The following MS4A10 variants were observed in gnomAD, a reference collection of about 807,000 sequenced individuals.
The protein encoded by MS4A10 is membrane-spanning 4-domains subfamily A member 10.
MS4A10 carries 27 observed loss-of-function variants against 27.7 expected under a neutral mutation model. The observed-to-expected ratio is 0.98, with a 90% CI of 0.72 to 1.35. The LOEUF (loss-of-function observed/expected upper bound fraction) is 1.35, where lower values mean the gene tolerates loss of function less well. MS4A10 is among the 40% of genes most tolerant of loss of function. The pLI is 0.00. For missense variants in MS4A10, 338 were observed against 324.7 expected (o/e 1.04, Z -0.32); for synonymous variants, 139 against 131.2 (o/e 1.06, Z -0.41).
At chr11:60,797,286 G>A (rs891187206) in intron 6 of MS4A10, among the ~76,000 whole-genome samples, 1 of 152,174 alleles carries the variant, frequency 6.6e-6, no homozygotes, top group Non-Finnish European at 1.5e-5. Flanking sequence ...CTGTGCTAGT[G>A]CTGCAGGTGG....
rs943973552 is a variant in MS4A10 at position 60,794,822 on chromosome 11, C to A, written c.492+719C>A. The stretch of plus-strand genomic sequence containing the variant: ...TCTCGAGTAGCTAGGATTACAGGCA[C>A]CCACCACAGCCACCACCACGCCAGG... On this transcript the variant is annotated intron_variant, in intron 5 of 7. Coordinates refer to ENST00000308287, the MANE Select transcript of MS4A10 (RefSeq NM_206893.4). Among the ~76,000 whole-genome samples the A allele has an allele frequency of 2.0e-5, 3 of 152,040 alleles. No homozygotes were observed. In the South Asian group the frequency reaches 6.2e-4, roughly 32 times the overall value.
rs528458465 is a variant in MS4A10, at chr11:60,790,796, G to C, written c.184-178G>C. On this transcript the variant is annotated intron_variant, in intron 2 of 7. Coordinates refer to ENST00000308287, the MANE Select transcript of MS4A10 (RefSeq NM_206893.4). ...GCTCCCACCCATGGGGCCCTTGGCA[G>C]CTTCAGCTCTTTCTGCAGGAAATCC... Among the ~76,000 whole-genome samples, 4 of 152,320 alleles carry C rather than the reference G, an allele frequency of 2.6e-5. No homozygotes were observed. In the South Asian group the frequency reaches 8.3e-4, roughly 32 times the overall value.
intron 1 of MS4A10, among the ~76,000 whole-genome samples, chr11:60,787,001 G>A (rs927608892): frequency 3.3e-5 from 5 of 152,202 alleles, no homozygotes; most frequent in East Asian, 3.8e-4. Flanking sequence ...GCTCAGGGCC[G>A]TGCCCACTCT....
At chr11:60,799,002 T>C (rs1033427197) in intron 7 of MS4A10, among the ~76,000 whole-genome samples, 5 of 152,212 alleles carry the variant, frequency 3.3e-5, no homozygotes, top group Non-Finnish European at 7.3e-5. Context: ...GGAGCCTGTG[T>C]GTCTGAATCC....
In MS4A10 at chr11:60,800,308, G is replaced by A. The variant is rs976551624; in HGVS notation, c.*399G>A. On this transcript the variant is annotated 3_prime_UTR_variant, in exon 8 of 8. Coordinates refer to ENST00000308287, the MANE Select transcript of MS4A10 (RefSeq NM_206893.4). ...TGGGACTATAGGCACACGCCACCAC[G>A]CCCAGCTAATTTTTATATTTTTAGT... is the stretch of plus-strand genomic sequence containing the variant. 18 of 176,374 alleles carry A rather than the reference G, an allele frequency of 1.0e-4. No individual in the cohort carries two copies. Among genetic ancestry groups the A allele is most frequent in the South Asian group, 5.9e-4 (4 of 6,738 alleles). The allele number at this position is 176,374 out of a possible 1,614,324, so 10.9% of individuals were successfully genotyped here.
rs577135467 is a variant in MS4A10, at chr11:60,799,676, T to C, written c.723-152T>C. 725 of 623,974 alleles carry C rather than the reference T, an allele frequency of 1.2e-3. 1 individual carries two copies. Among genetic ancestry groups the C allele is most frequent in the Middle Eastern group, 1.9e-3 (7 of 3,726 alleles). The allele number at this position is 623,974 out of a possible 1,614,324, so 38.7% of individuals were successfully genotyped here. On this transcript the variant is annotated intron_variant, in intron 7 of 7. Coordinates refer to ENST00000308287, the MANE Select transcript of MS4A10 (RefSeq NM_206893.4). ...TTGCCCTTCCTCCACCTGGATTCTCTTCCCCCAGGTATTTGCAGAGCTCAC... is the reference window on the plus strand; with the variant it reads ...TTGCCCTTCCTCCACCTGGATTCTCCTCCCCCAGGTATTTGCAGAGCTCAC...
Position 60,785,792 on chromosome 11 carries a change from A to G in MS4A10, c.-23+371A>G, listed in dbSNP as rs550680531. On this transcript the variant is annotated intron_variant, in intron 1 of 7. Transcript: ENST00000308287. ...CACTTTTCTTGCAGTCTGGAAATGC[A>G]TACACACAGAGAGACCAGTTCAAGA... 2.0e-5 allele frequency among the ~76,000 whole-genome samples: 3 copies of G among 152,180 alleles called. No individual in the cohort carries two copies. The East Asian group carries it at 5.8e-4, about 29-fold the overall frequency.
At chr11:60,793,637 G>A (rs1854467719) in intron 4 of MS4A10, among the ~76,000 whole-genome samples, 1 of 152,248 alleles carries the variant, frequency 6.6e-6, no homozygotes, top group Non-Finnish European at 1.5e-5. Context: ...CATAGCTGAT[G>A]TAGGATGGTC....
At chr11:60,798,155 G>A (rs1221029333) in intron 6 of MS4A10, among the ~76,000 whole-genome samples, 3 of 152,228 alleles carry the variant, frequency 2.0e-5, no homozygotes, top group Admixed American at 6.5e-5. Flanking sequence ...GTAGCGGGAC[G>A]GGAACCAGAG....
chr11:60,790,621 G>A (rs913681500), intron 2 of MS4A10, 103 bp downstream of exon 2: 1 of 1,279,276 alleles, frequency 7.8e-7, no homozygotes, highest in African/African-American at 1.5e-5. Context: ...AAAGAGAAAG[G>A]CTCCAGCTTT....
In MS4A10 at chr11:60,799,928, T is replaced by C. The variant is rs1246334099; in HGVS notation, c.*19T>C. Reference sequence around the variant, plus strand: ...AAACTGAAGAGCCACTGCCTGACAATGCCCAAACTTGGTTGGAGCATAGCC... The same window carrying C: ...AAACTGAAGAGCCACTGCCTGACAACGCCCAAACTTGGTTGGAGCATAGCC... On this transcript the variant is annotated 3_prime_UTR_variant, in exon 8 of 8. Transcript: ENST00000308287. 1 of 1,614,170 alleles carries C rather than the reference T, an allele frequency of 6.2e-7. No individual in the cohort carries two copies. The highest frequency in any genetic ancestry group is 2.2e-5 in the East Asian group (1 of 44,886).
At chr11:60,790,740 T>C (rs1854415874) in intron 2 of MS4A10, among the ~76,000 whole-genome samples, 1 of 152,174 alleles carries the variant, frequency 6.6e-6, no homozygotes, top group Admixed American at 6.5e-5. Context: ...CTGGGGAGAA[T>C]GGCAGAAGGC....
chr11:60,792,407 G>A, intron 4 of MS4A10, 86 bp downstream of exon 4: 5 of 1,038,674 alleles, frequency 4.8e-6, no homozygotes, highest in Non-Finnish European at 7.6e-6. Context: ...GTGATTGTGA[G>A]GGCACTTCTC....
intron 3 of MS4A10, 139 bp downstream of exon 3, chr11:60,791,232 G>T: frequency 2.7e-6 from 3 of 1,130,918 alleles, no homozygotes; most frequent in Admixed American, 2.6e-5. Context: ...TTTCTCCAGT[G>T]TTCCTAGCTC....
chr11:60,796,571 C>T (rs1485218872), intron 6 of MS4A10, among the ~76,000 whole-genome samples: 1 of 152,218 alleles, frequency 6.6e-6, no homozygotes, highest in Non-Finnish European at 1.5e-5. Flanking sequence ...CAGGCATCAG[C>T]CATCATGCCC....
chr11:60,786,842 A>AC (rs1854348021), intron 1 of MS4A10, among the ~76,000 whole-genome samples: 1 of 151,996 alleles, frequency 6.6e-6, no homozygotes, highest in African/African-American at 2.4e-5. Context: ...CTCACCACCT[A>AC]CCCCCTAGGG....
chr11:60,791,184 TAG>T (rs1854424379), intron 3 of MS4A10, 91 bp downstream of exon 3: 1 of 1,541,104 alleles, frequency 6.5e-7, no homozygotes, highest in Non-Finnish European at 8.8e-7. Context: ...CAGGGTGGGA[TAG>T]AGAGAGCTAA....
At chr11:60,790,096 T>A (rs769910228) in intron 1 of MS4A10, among the ~76,000 whole-genome samples, 4 of 152,148 alleles carry the variant, frequency 2.6e-5, no homozygotes, top group Non-Finnish European at 4.4e-5. Flanking sequence ...GAGCTGTGTC[T>A]TTGCAACCCC....
chr11:60,786,574 A>G (rs2063032), intron 1 of MS4A10, among the ~76,000 whole-genome samples: 147,910 of 151,816 alleles, frequency 0.97, 72,159 homozygotes, highest in Middle Eastern at 1. Context: ...TGTCTTAACC[A>G]AGAACCAGAC....
Sources: gnomAD v4.1 joint callset for allele counts (sites outside exome capture counted in the v4.1 genomes callset) on GRCh38, gnomAD v4.1.1 for gene constraint, MANE v1.5 for transcripts, NCBI Gene and HGNC (gene_info 2026-07-23, HGNC 2026-07-21) for gene names.